The following TMEM45A variants were observed in gnomAD, a reference collection of about 807,000 sequenced individuals.
The protein encoded by TMEM45A is transmembrane protein 45A, also known as DNA polymerase-transactivated protein 4.
In TMEM45A, 25 loss-of-function variants were observed where a neutral mutation model predicts 32.0. The ratio of observed to expected loss-of-function variants is 0.78; its 90% CI spans 0.57 to 1.09. The LOEUF is 1.09. TMEM45A is among the 50% of genes least tolerant of loss of function. TMEM45A has a pLI of 0.00. For missense variants in TMEM45A, 302 were observed against 325.0 expected, an observed-to-expected ratio of 0.93 and a Z score of 0.54; for synonymous variants, 122 against 114.8, an observed-to-expected ratio of 1.06 and a Z score of -0.40.
chr3:100,541,475 C>T (rs1366637949), intron 1 of TMEM45A, among the ~76,000 whole-genome samples: 1 of 148,140 alleles, frequency 6.8e-6, no homozygotes, highest in Non-Finnish European at 1.5e-5. Flanking sequence ...ACATTTAAAT[C>T]TTTAATCCAT....
intron 1 of TMEM45A, among the ~76,000 whole-genome samples, chr3:100,528,134 G>A (rs1705581665): frequency 6.6e-6 from 1 of 152,204 alleles, no homozygotes; most frequent in Non-Finnish European, 1.5e-5. Flanking sequence ...TTGTTGCTAA[G>A]TATGGTCACT....
chr3:100,529,711 C>G (rs1476537995), intron 1 of TMEM45A, among the ~76,000 whole-genome samples: 1 of 152,116 alleles, frequency 6.6e-6, no homozygotes, highest in Non-Finnish European at 1.5e-5. Context: ...ACCTTTGCCT[C>G]CCAGGCTCAA....
At chr3:100,566,523 AT>A (rs1302203806) in intron 4 of TMEM45A, among the ~76,000 whole-genome samples, 1 of 152,128 alleles carries the variant, frequency 6.6e-6, no homozygotes, top group Non-Finnish European at 1.5e-5. Flanking sequence ...TTTCCTTGCA[AT>A]GGCCCTTTTT....
At chr3:100,494,969 C>T (rs1158487123) in intron 1 of TMEM45A, among the ~76,000 whole-genome samples, 1 of 152,130 alleles carries the variant, frequency 6.6e-6, no homozygotes, top group Non-Finnish European at 1.5e-5. Context: ...AGTTAGCATA[C>T]ATTGAACACT....
intron 1 of TMEM45A, among the ~76,000 whole-genome samples, chr3:100,553,072 G>A (rs1379005730): frequency 6.6e-6 from 1 of 152,164 alleles, no homozygotes; most frequent in African/African-American, 2.4e-5. Context: ...GTTAGAGGTA[G>A]GTTGAAGATA....
chr3:100,549,323 T>C (rs1248267747), intron 1 of TMEM45A, among the ~76,000 whole-genome samples: 1 of 150,644 alleles, frequency 6.6e-6, no homozygotes, highest in Non-Finnish European at 1.5e-5. Flanking sequence ...AAAACGAAAA[T>C]GGATTATCTT....
chr3:100,523,073 T>G (rs1209438011), intron 1 of TMEM45A, among the ~76,000 whole-genome samples: 1 of 152,226 alleles, frequency 6.6e-6, no homozygotes, highest in East Asian at 1.9e-4. Flanking sequence ...TTAGCACTGC[T>G]TCTTTCCATC....
At chr3:100,514,352 C>A (rs1395347188) in intron 1 of TMEM45A, among the ~76,000 whole-genome samples, 1 of 152,030 alleles carries the variant, frequency 6.6e-6, no homozygotes, top group African/African-American at 2.4e-5. Flanking sequence ...CTTTGACAAA[C>A]CTGAGAAAAA....
intron 4 of TMEM45A, among the ~76,000 whole-genome samples, chr3:100,559,443 G>A (rs1298485073): frequency 1.3e-5 from 2 of 152,144 alleles, no homozygotes; most frequent in African/African-American, 4.8e-5. Flanking sequence ...AAATGGGATA[G>A]AAAAGATGCA....
intron 5 of TMEM45A, 71 bp downstream of exon 5, chr3:100,569,038 A>G: frequency 6.8e-7 from 1 of 1,475,520 alleles, no homozygotes; most frequent in Non-Finnish European, 9.3e-7. Flanking sequence ...AGTGGTATTG[A>G]ATTTAAAATT....
At chr3:100,500,666 G>A (rs938047980) in intron 1 of TMEM45A, among the ~76,000 whole-genome samples, 16 of 152,180 alleles carry the variant, frequency 1.1e-4, no homozygotes, top group African/African-American at 3.9e-4. Flanking sequence ...GAGCAGCCTG[G>A]GCCCCTCTGG....
intron 1 of TMEM45A, among the ~76,000 whole-genome samples, chr3:100,524,076 T>A (rs1392081116): frequency 3.9e-5 from 6 of 152,246 alleles, no homozygotes; most frequent in South Asian, 4.1e-4. Context: ...GGAGAATGTC[T>A]GTGGGATTCA....
At chr3:100,511,092 G>A (rs1393374095) in intron 1 of TMEM45A, among the ~76,000 whole-genome samples, 1 of 152,066 alleles carries the variant, frequency 6.6e-6, no homozygotes, top group Non-Finnish European at 1.5e-5. Flanking sequence ...AGCAAGGCAG[G>A]CCAACATTCA....
intron 5 of TMEM45A, chr3:100,571,647 A>C (rs1576297056): frequency 6.6e-6 from 1 of 152,072 alleles, no homozygotes; most frequent in Non-Finnish European, 1.5e-5. Flanking sequence ...TGTGCACAAC[A>C]TGCAGGTTTG....
intron 1 of TMEM45A, among the ~76,000 whole-genome samples, chr3:100,542,533 G>T (rs1340901049): frequency 1.3e-5 from 2 of 152,068 alleles, no homozygotes; most frequent in African/African-American, 4.8e-5. Flanking sequence ...CACAGAATGG[G>T]AGCAAATTTT....
chr3:100,509,201 A>G (rs1045882136), intron 1 of TMEM45A, among the ~76,000 whole-genome samples: 4 of 152,246 alleles, frequency 2.6e-5, no homozygotes, highest in African/African-American at 9.6e-5. Flanking sequence ...ATCACTAATC[A>G]TTAAAGAACT....
chr3:100,510,343 C>A (rs1359816324), intron 1 of TMEM45A, among the ~76,000 whole-genome samples: 2 of 152,150 alleles, frequency 1.3e-5, no homozygotes, highest in Non-Finnish European at 2.9e-5. Flanking sequence ...TGGGAGGCAC[C>A]CCCCAGCAGG....
chr3:100,526,167 C>G (rs1705541275), intron 1 of TMEM45A, among the ~76,000 whole-genome samples: 2 of 152,192 alleles, frequency 1.3e-5, no homozygotes, highest in African/African-American at 4.8e-5. Flanking sequence ...TGTAACTTCC[C>G]TGATAGCACC....
intron 1 of TMEM45A, among the ~76,000 whole-genome samples, chr3:100,503,191 C>T (rs553359705): frequency 1.8e-4 from 27 of 152,238 alleles, no homozygotes; most frequent in Admixed American, 9.2e-4. Flanking sequence ...CTGCAGCCTC[C>T]GCCTACTGGG....
Sources: gnomAD v4.1 joint callset for allele counts (sites outside exome capture counted in the v4.1 genomes callset) on GRCh38, gnomAD v4.1.1 for gene constraint, MANE v1.5 for transcripts, NCBI Gene and HGNC (gene_info 2026-07-23, HGNC 2026-07-21) for gene names.